The following HIPK2 variants were observed in gnomAD, a reference collection of about 807,000 sequenced individuals.
The protein encoded by HIPK2 is homeodomain interacting protein kinase 2.
A neutral mutation model predicts 113.7 loss-of-function variants in HIPK2; 27 were observed. The ratio of observed to expected loss-of-function variants is 0.24; its 90% CI spans 0.17 to 0.33. HIPK2 has a LOEUF of 0.33. Ranked by LOEUF, HIPK2 falls within the 10% of genes least tolerant of loss-of-function variation. The probability of loss-of-function intolerance (pLI) is 1.00; values close to 1 mark genes in which losing one functional copy is unlikely to be tolerated. For missense variants in HIPK2, 1,257 were observed against 1,588.0 expected (o/e 0.79, Z 3.54); for synonymous variants, 631 against 642.2 (o/e 0.98, Z 0.26).
chr7:139,769,902 TG>T (rs1174654244), intron 1 of HIPK2, among the ~76,000 whole-genome samples: 1 of 152,214 alleles, frequency 6.6e-6, no homozygotes, highest in Non-Finnish European at 1.5e-5. Flanking sequence ...AATCTTTTCC[TG>T]ATGGTACAGG....
intron 2 of HIPK2, among the ~76,000 whole-genome samples, chr7:139,695,141 A>G (rs1306630769): frequency 6.6e-6 from 1 of 152,162 alleles, no homozygotes; most frequent in African/African-American, 2.4e-5. Flanking sequence ...CACAAACACC[A>G]TCTCCATGAA....
intron 2 of HIPK2, among the ~76,000 whole-genome samples, chr7:139,697,866 T>TC (rs1250424271): frequency 6.8e-6 from 1 of 147,818 alleles, no homozygotes; most frequent in East Asian, 1.9e-4. Flanking sequence ...TAATGGAATT[T>TC]TTTTTTTTTT....
chr7:139,648,693 C>A (rs977461676), intron 2 of HIPK2, among the ~76,000 whole-genome samples: 1 of 152,148 alleles, frequency 6.6e-6, no homozygotes, highest in Non-Finnish European at 1.5e-5. Flanking sequence ...TTCTCATCAG[C>A]CCCGTCTGCA....
At chr7:139,647,348 C>T (rs1801272206) in intron 2 of HIPK2, among the ~76,000 whole-genome samples, 1 of 152,168 alleles carries the variant, frequency 6.6e-6, no homozygotes, top group Admixed American at 6.5e-5. Flanking sequence ...TACCGCCAAG[C>T]ACTGTGCTAA....
At chr7:139,587,634 G>A (rs994118100) in intron 12 of HIPK2, among the ~76,000 whole-genome samples, 11 of 152,168 alleles carry the variant, frequency 7.2e-5, no homozygotes, top group African/African-American at 2.7e-4. Flanking sequence ...AGCTAGGTGC[G>A]GTAGCTCACC....
chr7:139,669,543 G>A (rs1569469847), intron 2 of HIPK2, among the ~76,000 whole-genome samples: 2 of 152,000 alleles, frequency 1.3e-5, no homozygotes, highest in African/African-American at 2.4e-5. Context: ...GTTCTTACAC[G>A]GATGGTATCT....
intron 2 of HIPK2, among the ~76,000 whole-genome samples, chr7:139,686,303 T>C (rs2116743759): frequency 6.6e-6 from 1 of 152,366 alleles, no homozygotes. Flanking sequence ...AGTTGCTTCT[T>C]ATGAACGAGC....
At chr7:139,575,333 G>C (rs1798454183) in intron 13 of HIPK2, 45 bp from the exon 14 acceptor site, 1 of 1,525,322 alleles carries the variant, frequency 6.6e-7, no homozygotes, top group African/African-American at 1.4e-5. Context: ...CAGGGTCCCA[G>C]CTGCCCAGAA....
intron 1 of HIPK2, among the ~76,000 whole-genome samples, chr7:139,741,805 T>C (rs528947970): frequency 2.6e-5 from 4 of 152,378 alleles, no homozygotes; most frequent in African/African-American, 9.6e-5. Flanking sequence ...TTGTTTGTAA[T>C]ATGGTTCGTC....
At chr7:139,677,004 G>C (rs1314728855) in intron 2 of HIPK2, among the ~76,000 whole-genome samples, 2 of 151,760 alleles carry the variant, frequency 1.3e-5, no homozygotes, top group Non-Finnish European at 2.9e-5. Flanking sequence ...TGGGATTACA[G>C]GCATGCACCA....
intron 2 of HIPK2, among the ~76,000 whole-genome samples, chr7:139,655,260 G>T (rs1447665711): frequency 6.6e-6 from 1 of 152,228 alleles, no homozygotes; most frequent in Non-Finnish European, 1.5e-5. Context: ...TCAGAAAAGG[G>T]TTGAGCAGGC....
At chr7:139,739,416 A>T (rs1796033978) in intron 1 of HIPK2, among the ~76,000 whole-genome samples, 1 of 152,018 alleles carries the variant, frequency 6.6e-6, no homozygotes, top group Non-Finnish European at 1.5e-5. Context: ...ACAAAACCTC[A>T]TCTCTACTAA....
chr7:139,711,239 A>C (rs2116918061), intron 2 of HIPK2, among the ~76,000 whole-genome samples: 1 of 152,242 alleles, frequency 6.6e-6, no homozygotes, highest in South Asian at 2.1e-4. Context: ...CATCCTGGCT[A>C]ATACAGTGAA....
intron 2 of HIPK2, among the ~76,000 whole-genome samples, chr7:139,650,672 T>C (rs990558923): frequency 2.6e-5 from 4 of 152,152 alleles, no homozygotes; most frequent in Non-Finnish European, 5.9e-5. Flanking sequence ...GAAATGACAA[T>C]GTGTGGCTTC....
intron 5 of HIPK2, among the ~76,000 whole-genome samples, chr7:139,627,472 T>C (rs1800473956): frequency 6.6e-6 from 1 of 152,222 alleles, no homozygotes; most frequent in African/African-American, 2.4e-5. Context: ...TGGAGTCACC[T>C]CTGGCCAAGA....
rs182841609 is a variant in HIPK2, at chr7:139,669,974, T to C, written c.1104-38249A>G. 3.8e-3 allele frequency among the ~76,000 whole-genome samples: 572 copies of C among 152,334 alleles called. 7 individuals carry two copies. The highest frequency in any genetic ancestry group is 0.031 in the Middle Eastern group (9 of 294). On this transcript the variant is annotated intron_variant, in intron 2 of 14. Coordinates refer to ENST00000406875, the MANE Select transcript of HIPK2 (RefSeq NM_022740.5). ...GATTTTAACCTTTTACTTATTGAGA[T>C]GCCAAGACAAATCAAAACGGCACAC...
chr7:139,752,444 A>G (rs572725994), intron 1 of HIPK2, among the ~76,000 whole-genome samples: 6 of 152,132 alleles, frequency 3.9e-5, no homozygotes, highest in African/African-American at 1.4e-4. Context: ...ATCACTACTC[A>G]ACGTGTCTGC....
intron 2 of HIPK2, among the ~76,000 whole-genome samples, chr7:139,702,536 G>C (rs1392688811): frequency 1.3e-5 from 2 of 152,178 alleles, no homozygotes; most frequent in African/African-American, 2.4e-5. Flanking sequence ...CTGGGGGCTG[G>C]GGGGAGACCT....
chr7:139,770,024 T>C (rs547024529), intron 1 of HIPK2, among the ~76,000 whole-genome samples: 29 of 152,190 alleles, frequency 1.9e-4, no homozygotes, highest in Non-Finnish European at 3.8e-4. Context: ...TCCTTCTCCC[T>C]GTCACGAGTT....
Sources: gnomAD v4.1 joint callset for allele counts (sites outside exome capture counted in the v4.1 genomes callset) on GRCh38, gnomAD v4.1.1 for gene constraint, MANE v1.5 for transcripts, NCBI Gene and HGNC (gene_info 2026-07-23, HGNC 2026-07-21) for gene names.